KLF12: variants seen among roughly 807,000 people sequenced by gnomAD.
The protein encoded by KLF12 is KLF transcription factor 12, also known as Krueppel-like factor 12.
In KLF12, 9 loss-of-function variants were observed where a neutral mutation model predicts 37.8. The ratio of observed to expected loss-of-function variants is 0.24; its 90% CI spans 0.14 to 0.42. The LOEUF is 0.42. Ranked by LOEUF, KLF12 falls within the 10% of genes least tolerant of loss-of-function variation. KLF12 has a pLI of 1.00. For synonymous variants in KLF12, 208 were observed against 202.1 expected, an observed-to-expected ratio of 1.03 and a Z score of -0.25; for missense variants, 411 against 516.0, an observed-to-expected ratio of 0.80 and a Z score of 1.97.
At chr13:74,258,005 A>G in the KLF12 span, 1 of 152,122 alleles carries the variant, frequency 6.6e-6, no homozygotes, top group Non-Finnish European at 1.5e-5. Flanking sequence ...TCTCCTATAC[A>G]TAACTTCTAT....
Position 73,944,076 on chromosome 13 carries a change from A to G in KLF12, c.34-6T>C, listed in dbSNP as rs1890315189. ...TTCTCAAAGGTGTTGATATTCTGAG[A>G]ATAGAAGGGAGAGAGAAAGATTCAG... On this transcript the variant is annotated splice_polypyrimidine_tract_variant and splice_region_variant and intron_variant, in intron 2 of 7. Coordinates refer to ENST00000377669, the MANE Select transcript of KLF12 (RefSeq NM_007249.5). The G allele has an allele frequency of 6.4e-7, 1 of 1,554,976 alleles. No homozygotes were observed. The highest frequency in any genetic ancestry group is 8.9e-7 in the Non-Finnish European group (1 of 1,128,926).
intron 1 of KLF12, among the ~76,000 whole-genome samples, chr13:74,020,629 G>A (rs953731124): frequency 3.9e-5 from 6 of 152,106 alleles, no homozygotes; most frequent in South Asian, 2.1e-4. Context: ...AGTGGCTCAC[G>A]TCTGTAATCC....
At chr13:74,226,263 T>C in the KLF12 span, among the ~76,000 whole-genome samples, 1 of 152,098 alleles carries the variant, frequency 6.6e-6, no homozygotes, top group Admixed American at 6.5e-5. Context: ...GAGGCGACAA[T>C]TCCAAGAGAA....
chr13:74,249,026 G>A, the KLF12 span, among the ~76,000 whole-genome samples: 2 of 152,068 alleles, frequency 1.3e-5, no homozygotes, highest in Non-Finnish European at 2.9e-5. Flanking sequence ...GGAAGTAAGG[G>A]TGGTAAAGTA....
chr13:73,716,088 C>T (rs1460679788), intron 6 of KLF12, among the ~76,000 whole-genome samples: 2 of 152,152 alleles, frequency 1.3e-5, no homozygotes, highest in Non-Finnish European at 2.9e-5. Flanking sequence ...ACGCACCTGA[C>T]ATTTAACTTT....
At chr13:74,174,525 C>T in the KLF12 span, among the ~76,000 whole-genome samples, 13 of 152,180 alleles carry the variant, frequency 8.5e-5, no homozygotes, top group South Asian at 2.5e-3. Context: ...AGGCGTGAGC[C>T]ACCATGCCTG....
chr13:73,919,837 T>C (rs996984746), intron 3 of KLF12, among the ~76,000 whole-genome samples: 8 of 152,222 alleles, frequency 5.3e-5, no homozygotes, highest in African/African-American at 1.9e-4. Context: ...TGCAACCCAC[T>C]TGGAGATTAT....
At chr13:73,882,212 G>T (rs1887014671) in intron 3 of KLF12, among the ~76,000 whole-genome samples, 1 of 152,094 alleles carries the variant, frequency 6.6e-6, no homozygotes, top group African/African-American at 2.4e-5. Context: ...ACTAACCTCT[G>T]CATACAAACA....
chr13:74,291,439 G>A, the KLF12 span, among the ~76,000 whole-genome samples: 2 of 152,184 alleles, frequency 1.3e-5, no homozygotes, highest in African/African-American at 4.8e-5. Context: ...CATCTGTGGT[G>A]GCAAGTGAGG....
At chr13:73,998,068 T>G (rs529788585) in intron 1 of KLF12, among the ~76,000 whole-genome samples, 6 of 152,132 alleles carry the variant, frequency 3.9e-5, no homozygotes, top group Non-Finnish European at 7.4e-5. Flanking sequence ...AATTTCCACA[T>G]ATGATCACTC....
At chr13:74,029,211 AAAAG>A (rs1282439311) in intron 1 of KLF12, among the ~76,000 whole-genome samples, 1 of 152,140 alleles carries the variant, frequency 6.6e-6, no homozygotes, top group Non-Finnish European at 1.5e-5. Flanking sequence ...CCAGTCTTTA[AAAAG>A]AAAGGGATTT....
At chr13:73,816,417 C>G (rs1487419331) in intron 4 of KLF12, among the ~76,000 whole-genome samples, 1 of 152,196 alleles carries the variant, frequency 6.6e-6, no homozygotes, top group African/African-American at 2.4e-5. Context: ...AAAAAGGGAT[C>G]AGACAGTTTT....
At chr13:74,119,434 G>T (rs1244604061) in intron 1 of KLF12, among the ~76,000 whole-genome samples, 1 of 151,952 alleles carries the variant, frequency 6.6e-6, no homozygotes, top group Non-Finnish European at 1.5e-5. Flanking sequence ...CAGAGATACT[G>T]AAACTAACAA....
the KLF12 span, chr13:74,258,735 T>G: frequency 6.6e-6 from 1 of 152,148 alleles, no homozygotes; most frequent in Non-Finnish European, 1.5e-5. Context: ...GAATATCTCT[T>G]TATCGCTATC....
At chr13:74,006,967 A>T (rs368149184) in intron 1 of KLF12, among the ~76,000 whole-genome samples, 65 of 152,152 alleles carry the variant, frequency 4.3e-4, no homozygotes, top group African/African-American at 1.5e-3. Context: ...AATTTACATT[A>T]TTTTTTTCCA....
In KLF12 at chr13:73,992,638, C is replaced by T. The variant is rs930237749; in HGVS notation, c.33+2352G>A. Among the ~76,000 whole-genome samples, 6 of 152,098 alleles carry T rather than the reference C, an allele frequency of 3.9e-5. No homozygotes were observed. In the East Asian group the frequency reaches 1.2e-3, roughly 29 times the overall value. Reference sequence around the variant, plus strand: ...TGTGGCTCTTGGCAGGATTTTGTCACCACTGGCAAACTGGAAACGTACAAA... The same window carrying T: ...TGTGGCTCTTGGCAGGATTTTGTCATCACTGGCAAACTGGAAACGTACAAA... On this transcript the variant is annotated intron_variant, in intron 2 of 7. Coordinates refer to ENST00000377669, the MANE Select transcript of KLF12 (RefSeq NM_007249.5).
the KLF12 span, among the ~76,000 whole-genome samples, chr13:74,201,189 G>A: frequency 6.6e-6 from 1 of 152,134 alleles, no homozygotes; most frequent in East Asian, 1.9e-4. Context: ...TACAAGGAGA[G>A]ATGTATGTTC....
At chr13:73,750,397 AT>A in intron 6 of KLF12, among the ~76,000 whole-genome samples, 1 of 152,154 alleles carries the variant, frequency 6.6e-6, no homozygotes. Flanking sequence ...TCACTGATCA[AT>A]ATGCCTTGAA....
chr13:73,796,238 C>T (rs2138304343), intron 5 of KLF12, among the ~76,000 whole-genome samples: 2 of 152,306 alleles, frequency 1.3e-5, no homozygotes, highest in Middle Eastern at 3.4e-3. Context: ...CACATTTCTA[C>T]ATTTGCCTCC....
Sources: allele counts gnomAD v4.1 joint callset (sites outside exome capture counted in the v4.1 genomes callset), GRCh38; gene constraint gnomAD v4.1.1; transcripts MANE v1.5; gene names NCBI Gene and HGNC (gene_info 2026-07-23, HGNC 2026-07-21).